The following C13orf42 variants were observed in gnomAD, a reference collection of about 807,000 sequenced individuals.
C13orf42 encodes the protein uncharacterized protein C13orf42.
chr13:51,145,973 C>T (rs1591977), intron 1 of C13orf42, among the ~76,000 whole-genome samples: 74,821 of 151,968 alleles, frequency 0.49, 18,550 homozygotes, highest in African/African-American at 0.54. Flanking sequence ...AATAAACTTT[C>T]TAAATTAACT....
intron 1 of C13orf42, among the ~76,000 whole-genome samples, chr13:51,119,061 G>A (rs991435391): frequency 4.6e-5 from 7 of 150,814 alleles, no homozygotes; most frequent in African/African-American, 1.7e-4. Context: ...CATATGGCAT[G>A]CCCTGGTGTA....
Position 51,110,998 on chromosome 13 carries a change from T to G in C13orf42, c.212A>C (p.Gln71Pro). The change falls in exon 1 of 4, where the codon CAG becomes CCG. Residue 71 changes from glutamine (Q) to proline (P), a missense_variant. Gln to Pro is a moderately conservative substitution (Grantham distance 76, BLOSUM62 -1). Transcript: ENST00000563710. ...SMDTSLYYLR[Q>P]EEDRAWMYSR... ...ATACATCCACGCCCGGTCCTCCTCCTGCCGCAGGTAGTACAGGCTGGTGTC... is the reference window on the plus strand; with the variant it reads ...ATACATCCACGCCCGGTCCTCCTCCGGCCGCAGGTAGTACAGGCTGGTGTC... 2.5e-6 allele frequency: 1 copy of G among 398,670 alleles called. No individual in the cohort carries two copies. Among genetic ancestry groups the G allele is most frequent in the Non-Finnish European group, 4.4e-6 (1 of 226,094 alleles). The allele number at this position is 398,670 out of a possible 1,614,324, so 24.7% of individuals were successfully genotyped here.
chr13:51,133,067 G>T (rs1268036136), intron 1 of C13orf42, among the ~76,000 whole-genome samples: 1 of 152,188 alleles, frequency 6.6e-6, no homozygotes, highest in Admixed American at 6.5e-5. Flanking sequence ...ATACAATCAA[G>T]AAATAACCAT....
At chr13:51,144,738 G>A (rs551406372) in intron 1 of C13orf42, among the ~76,000 whole-genome samples, 24 of 152,222 alleles carry the variant, frequency 1.6e-4, no homozygotes, top group African/African-American at 5.5e-4. Flanking sequence ...ATTTATCTTG[G>A]AACCTCAAAA....
chr13:51,143,550 T>C (rs905921485), intron 1 of C13orf42, among the ~76,000 whole-genome samples: 1 of 152,218 alleles, frequency 6.6e-6, no homozygotes, highest in South Asian at 2.1e-4. Flanking sequence ...ATGCTGTTTA[T>C]ACTAGGGCCC....
chr13:51,158,542 C>G (rs1593556648), intron 1 of C13orf42, among the ~76,000 whole-genome samples: 2 of 152,222 alleles, frequency 1.3e-5, no homozygotes, highest in East Asian at 3.8e-4. Context: ...AAGGATCTTC[C>G]CAGCAGAAGT....
At chr13:51,132,998 G>C (rs747699436) in intron 1 of C13orf42, among the ~76,000 whole-genome samples, 6 of 152,110 alleles carry the variant, frequency 3.9e-5, no homozygotes, top group Non-Finnish European at 8.8e-5. Context: ...GGCAACATCA[G>C]GAAGTTATAC....
intron 1 of C13orf42, among the ~76,000 whole-genome samples, chr13:51,093,392 C>T (rs1261525969): frequency 6.6e-6 from 1 of 152,228 alleles, no homozygotes; most frequent in Non-Finnish European, 1.5e-5. Context: ...TACATCTGCA[C>T]TGTCCAATAT....
intron 1 of C13orf42, among the ~76,000 whole-genome samples, chr13:51,146,006 G>A (rs1260490843): frequency 6.6e-6 from 1 of 151,978 alleles, no homozygotes; most frequent in Non-Finnish European, 1.5e-5. Flanking sequence ...AACTTTTCGG[G>A]GTTCATAGAA....
chr13:51,130,870 T>A (rs1369077785), intron 1 of C13orf42, among the ~76,000 whole-genome samples: 2 of 150,904 alleles, frequency 1.3e-5, no homozygotes, highest in Non-Finnish European at 3.0e-5. Flanking sequence ...AAAATATATA[T>A]ATATATATAT....
At chr13:51,137,709 T>A (rs1475791147) in intron 1 of C13orf42, among the ~76,000 whole-genome samples, 1 of 152,186 alleles carries the variant, frequency 6.6e-6, no homozygotes. Flanking sequence ...CACACTTTTA[T>A]CTGATTACAA....
intron 1 of C13orf42, among the ~76,000 whole-genome samples, chr13:51,145,809 C>G (rs1953730065): frequency 6.6e-6 from 1 of 152,208 alleles, no homozygotes; most frequent in Non-Finnish European, 1.5e-5. Context: ...AGTTATCCCA[C>G]CTTTCCAGAC....
At chr13:51,104,127 T>G (rs2137994360) in intron 1 of C13orf42, among the ~76,000 whole-genome samples, 1 of 152,350 alleles carries the variant, frequency 6.6e-6, no homozygotes, top group African/African-American at 2.4e-5. Context: ...ATGAGGTACT[T>G]TGAGAGGGTC....
At chr13:51,108,993 G>A (rs964251762) in intron 1 of C13orf42, among the ~76,000 whole-genome samples, 1 of 152,198 alleles carries the variant, frequency 6.6e-6, no homozygotes, top group African/African-American at 2.4e-5. Flanking sequence ...GCAGAGAAAT[G>A]TAGTACCTAG....
At chr13:51,093,777 T>C (rs936617286) in intron 1 of C13orf42, among the ~76,000 whole-genome samples, 1 of 152,216 alleles carries the variant, frequency 6.6e-6, no homozygotes, top group African/African-American at 2.4e-5. Flanking sequence ...AGTTGCAAAA[T>C]GTTGCTTTTC....
At chr13:51,091,007 G>A (rs561187659) in intron 1 of C13orf42, among the ~76,000 whole-genome samples, 20 of 152,218 alleles carry the variant, frequency 1.3e-4, no homozygotes, top group Middle Eastern at 3.4e-3. Flanking sequence ...CAAACATGTC[G>A]CCTATTTCCA....
At chr13:51,128,870 C>T (rs1953594557) in intron 1 of C13orf42, among the ~76,000 whole-genome samples, 1 of 152,102 alleles carries the variant, frequency 6.6e-6, no homozygotes, top group Non-Finnish European at 1.5e-5. Flanking sequence ...TGAAGGCAGC[C>T]AGTTCTTACT....
At position 51,084,274 on chromosome 13, in the gene C13orf42, C is replaced by T. The variant is rs1304338483; in HGVS notation, c.855G>A (p.Glu285=). 2 of 398,600 alleles carry T rather than the reference C, an allele frequency of 5.0e-6. No homozygotes were observed. Among genetic ancestry groups the T allele is most frequent in the East Asian group, 3.6e-5 (1 of 28,082 alleles). 24.7% of individuals were successfully genotyped at this position (398,600 alleles called of 1,614,324 possible). A position where few individuals can be genotyped will look rare whatever the true frequency, so the allele number is the denominator to read the frequency against. ...CCAACGCAAAGAGCTCTGCATCCCA[C>T]TCCATATCTTCTCCTGAGAAGTTGA... The part of the protein sequence containing the change: ...ILFNFSGEDM[E]WDAELFALEP... The change falls in exon 4 of 4, where the codon GAG becomes GAA. Residue 285 remains glutamate (E), a synonymous_variant. Coordinates refer to ENST00000563710, the MANE Select transcript of C13orf42 (RefSeq NM_001351589.3).
intron 1 of C13orf42, among the ~76,000 whole-genome samples, chr13:51,138,559 GAAAAA>G (rs1396099960): frequency 6.6e-6 from 1 of 151,622 alleles, no homozygotes; most frequent in African/African-American, 2.4e-5. Context: ...CAAAAAAAAA[GAAAAA>G]AAGAAAAGAA....
Sources: gnomAD v4.1 joint callset for allele counts (sites outside exome capture counted in the v4.1 genomes callset) on GRCh38, gnomAD v4.1.1 for gene constraint, MANE v1.5 for transcripts, NCBI Gene and HGNC (gene_info 2026-07-23, HGNC 2026-07-21) for gene names.